TBXAS1: variants seen among roughly 807,000 people sequenced by gnomAD.
TBXAS1 encodes thromboxane A synthase 1, also known as thromboxane-A synthase.
A neutral mutation model predicts 60.7 loss-of-function variants in TBXAS1; 48 were observed. The ratio of observed to expected loss-of-function variants is 0.79; its 90% CI spans 0.63 to 1.01. The LOEUF is 1.01. TBXAS1 is among the 50% of genes least tolerant of loss of function. The probability of loss-of-function intolerance (pLI) is 0.00; values close to 1 mark genes in which losing one functional copy is unlikely to be tolerated. For missense variants in TBXAS1, 685 were observed against 686.3 expected (o/e 1.00, Z 0.02); for synonymous variants, 287 against 269.7 (o/e 1.06, Z -0.63).
intron 9 of TBXAS1, among the ~76,000 whole-genome samples, chr7:139,992,910 C>A (rs750772854): frequency 1.3e-5 from 2 of 152,194 alleles, no homozygotes; most frequent in Non-Finnish European, 2.9e-5. Context: ...GTGGCTCACG[C>A]CTATAATACC....
Position 139,872,278 on chromosome 7 carries a change from A to G in TBXAS1, c.133A>G (p.Arg45Gly). The change falls in exon 2 of 13, where the codon AGA becomes GGA. Residue 45 changes from arginine (R) to glycine (G), a missense_variant. Arg to Gly is a moderately radical substitution (Grantham distance 125, BLOSUM62 -2). Coordinates refer to ENST00000448866, the MANE Select transcript of TBXAS1 (RefSeq NM_001061.7). ...CTCAAGACTGGAGAAGTTAGGCCTC[A>G]GACATCCCAAGCCTTCTCCTTTCAT... ...AFSRLEKLGLRHPKPSPFIGN... is the reference protein window; with the variant it reads ...AFSRLEKLGLGHPKPSPFIGN... 6.2e-7 allele frequency: 1 copy of G among 1,614,140 alleles called. No individual in the cohort carries two copies. Among genetic ancestry groups the G allele is most frequent in the Non-Finnish European group, 8.5e-7 (1 of 1,179,964 alleles).
chr7:139,837,577 C>T (rs948210084), intron 1 of TBXAS1, among the ~76,000 whole-genome samples: 13 of 152,206 alleles, frequency 8.5e-5, no homozygotes, highest in African/African-American at 1.7e-4. Flanking sequence ...AACCAAACAC[C>T]GTATGTTCTC....
chr7:139,901,736 G>A (rs553756278), intron 3 of TBXAS1, among the ~76,000 whole-genome samples: 7 of 152,084 alleles, frequency 4.6e-5, no homozygotes, highest in African/African-American at 1.7e-4. Flanking sequence ...TCCGCAGTTG[G>A]TTTTGACAAG....
At position 139,840,531 on chromosome 7, in the gene TBXAS1, T is replaced by C. The variant is rs192695546; in HGVS notation, c.89+11052T>C. Among the ~76,000 whole-genome samples the C allele has an allele frequency of 3.4e-3, 525 of 152,300 alleles. 4 individuals are homozygous for C. The highest frequency in any genetic ancestry group is 0.012 in the African/African-American group (497 of 41,562). On this transcript the variant is annotated intron_variant, in intron 1 of 12. Transcript: ENST00000448866. The stretch of plus-strand genomic sequence containing the variant: ...TGTTTTCGCAGCGTCTTTGCTAAAG[T>C]ACTGCTGCATATGGCCGTGGTGGGT...
intron 1 of TBXAS1, among the ~76,000 whole-genome samples, chr7:139,848,440 G>A (rs145569524): frequency 6.6e-6 from 1 of 152,164 alleles, no homozygotes; most frequent in African/African-American, 2.4e-5. Context: ...GATCTGATGT[G>A]TATTAGTCAG....
chr7:139,889,576 A>T (rs921791728), intron 3 of TBXAS1, among the ~76,000 whole-genome samples: 1 of 152,242 alleles, frequency 6.6e-6, no homozygotes, highest in Non-Finnish European at 1.5e-5. Flanking sequence ...CTTATGAATA[A>T]CAGAAATTTA....
intron 4 of TBXAS1, among the ~76,000 whole-genome samples, chr7:139,915,053 T>C (rs1459243611): frequency 1.3e-5 from 2 of 152,194 alleles, no homozygotes; most frequent in African/African-American, 4.8e-5. Context: ...AGATAAGATC[T>C]CCAGGAAATC....
intron 3 of TBXAS1, among the ~76,000 whole-genome samples, chr7:139,880,787 C>A (rs904752844): frequency 6.6e-6 from 1 of 152,020 alleles, no homozygotes; most frequent in African/African-American, 2.4e-5. Flanking sequence ...ATATACACAT[C>A]ATTGATGTCT....
intron 3 of TBXAS1, among the ~76,000 whole-genome samples, chr7:139,878,097 TTG>T (rs573781059): frequency 7.8e-6 from 1 of 127,984 alleles, no homozygotes; most frequent in Non-Finnish European, 1.7e-5. Context: ...TATGAACTAG[TTG>T]TGTGTGTGTG....
intron 1 of TBXAS1, among the ~76,000 whole-genome samples, chr7:139,869,004 G>C (rs1000015406): frequency 6.6e-6 from 1 of 151,992 alleles, no homozygotes; most frequent in African/African-American, 2.4e-5. Flanking sequence ...TTGCTGTGTT[G>C]CCCAGGCTGG....
At chr7:139,976,768 G>A (rs560973988) in intron 9 of TBXAS1, among the ~76,000 whole-genome samples, 59 of 152,328 alleles carry the variant, frequency 3.9e-4, no homozygotes, top group African/African-American at 1.4e-3. Flanking sequence ...CAGCCAGGAG[G>A]AAGAACGTTG....
intron 3 of TBXAS1, among the ~76,000 whole-genome samples, chr7:139,902,516 T>C (rs1426962911): frequency 6.6e-6 from 1 of 152,182 alleles, no homozygotes; most frequent in Non-Finnish European, 1.5e-5. Flanking sequence ...ATCTACCCAA[T>C]GAAGAACATT....
chr7:139,797,071 T>C (rs1797589881), intron 4 of TBXAS1: 3 of 152,264 alleles, frequency 2.0e-5, no homozygotes, highest in Admixed American at 1.3e-4. Flanking sequence ...CCACATTTAA[T>C]GTACACGTTT....
Position 139,866,234 on chromosome 7 carries a change from G to A in TBXAS1, c.90-6001G>A, listed in dbSNP as rs951884372. Among the ~76,000 whole-genome samples the A allele has an allele frequency of 5.3e-5, 8 of 152,160 alleles. No individual in the cohort carries two copies. The East Asian group carries it at 1.3e-3, about 26-fold the overall frequency. On this transcript the variant is annotated intron_variant, in intron 1 of 12. Coordinates refer to ENST00000448866, the MANE Select transcript of TBXAS1 (RefSeq NM_001061.7). ...TTAAGAAAATCTTCATGCACAAAGT[G>A]TGGGAAAACCTCTGCGCAGAAATGC...
chr7:139,879,829 A>ATT (rs1383081863), intron 3 of TBXAS1, among the ~76,000 whole-genome samples: 3 of 84,698 alleles, frequency 3.5e-5, no homozygotes, highest in Non-Finnish European at 7.4e-5. Flanking sequence ...CCTTTATCTC[A>ATT]TTTTGTGTGT....
chr7:139,805,728 C>CTCTCTT lies in TBXAS1; in HGVS notation c.-80+18305_-80+18306insCTTTCT, dbSNP rs1554466283. 1.6e-3 allele frequency among the ~76,000 whole-genome samples: 174 copies of CTCTCTT among 110,962 alleles called. 1 individual carries two copies. The highest frequency in any genetic ancestry group is 2.3e-3 in the Non-Finnish European group (140 of 60,144). The allele number at this position is 110,962 out of a possible 152,430, so 72.8% of individuals were successfully genotyped here. On this transcript the variant is annotated intron_variant, in intron 4 of 16. Transcript: ENST00000336425. ...TTTCTTTCTTTCTCTCTCTCTCTCTCTCTTTCTTTCTTTCTTTCTTTCTTT... is the reference window on the plus strand; with the variant it reads ...TTTCTTTCTTTCTCTCTCTCTCTCTCTCTCTTTCTTTCTTTCTTTCTTTCTTTCTTT...
At chr7:139,895,657 GATCT>G (rs1309382314) in intron 3 of TBXAS1, among the ~76,000 whole-genome samples, 1 of 152,242 alleles carries the variant, frequency 6.6e-6, no homozygotes, top group Non-Finnish European at 1.5e-5. Context: ...CCAGAAGGGG[GATCT>G]GGACGACATG....
At position 139,965,888 on chromosome 7, in the gene TBXAS1, A is replaced by T. The variant is rs543897480; in HGVS notation, c.1134+3655A>T. 2.0e-4 allele frequency among the ~76,000 whole-genome samples: 28 copies of T among 139,032 alleles called. No individual in the cohort carries two copies. In the South Asian group the frequency reaches 4.6e-3, roughly 23 times the overall value. The allele number at this position is 139,032 out of a possible 152,430, so 91.2% of individuals were successfully genotyped here. On this transcript the variant is annotated intron_variant, in intron 9 of 12. Transcript: ENST00000448866. ...TTTCTTTCCTTCTTTTATTTTTTTA[A>T]TTTTTTTTTTTTTTACTATAATCAG...
chr7:139,833,404 C>T (rs1031806988), intron 1 of TBXAS1, among the ~76,000 whole-genome samples: 10 of 150,178 alleles, frequency 6.7e-5, no homozygotes, highest in South Asian at 4.2e-4. Flanking sequence ...AAAGAGGGGC[C>T]GGGCGTGGTG....
Sources: allele counts gnomAD v4.1 joint callset (sites outside exome capture counted in the v4.1 genomes callset), GRCh38; gene constraint gnomAD v4.1.1; transcripts MANE v1.5; gene names NCBI Gene and HGNC (gene_info 2026-07-23, HGNC 2026-07-21).